The following MYO19 variants were observed in gnomAD, a reference collection of about 807,000 sequenced individuals.
The protein encoded by MYO19 is myosin XIX.
Under a neutral mutation model 129.2 loss-of-function variants are expected in MYO19, and 132 were observed. The observed-to-expected ratio is 1.02, with a 90% CI of 0.89 to 1.18. The LOEUF (loss-of-function observed/expected upper bound fraction) is 1.18, where lower values mean the gene tolerates loss of function less well. Ranked by LOEUF, MYO19 falls within the 50% of genes most tolerant of loss-of-function variation. MYO19 has a pLI of 0.00. For missense variants in MYO19, 1,210 were observed against 1,216.7 expected, an observed-to-expected ratio of 0.99 and a Z score of 0.08; for synonymous variants, 531 against 477.2, an observed-to-expected ratio of 1.11 and a Z score of -1.47.
At chr17:36,519,639 C>CAA (rs11431632) in intron 6 of MYO19, among the ~76,000 whole-genome samples, 6,401 of 133,392 alleles carry the variant, frequency 0.048, 182 homozygotes, top group Middle Eastern at 0.087. Flanking sequence ...TCTAAAGAGA[C>CAA]AAAAAAAAAA....
In MYO19 at chr17:36,511,345, T is replaced by A. The variant is rs146704775; in HGVS notation, c.985+20A>T. Reference sequence around the variant, plus strand: ...TACCTTCCTGACAGGGCCTGCCCCATCCTACACCCTGACCCTCACACTTGG... The same window carrying A: ...TACCTTCCTGACAGGGCCTGCCCCAACCTACACCCTGACCCTCACACTTGG... On this transcript the variant is annotated intron_variant, in intron 12 of 25. Coordinates refer to ENST00000614623, the MANE Select transcript of MYO19 (RefSeq NM_001163735.2). The A allele has an allele frequency of 4.4e-5, 69 of 1,563,020 alleles. No individual in the cohort carries two copies. In the African/African-American group the frequency reaches 7.5e-4, roughly 17 times the overall value.
chr17:36,501,218 C>G lies in MYO19; in HGVS notation c.2098G>C (p.Glu700Gln). 1 of 1,612,232 alleles carries G rather than the reference C, an allele frequency of 6.2e-7. No homozygotes were observed. ...ATGAGAGGTTCAAGCGTGGCTTCCT[C>G]GCTGTGTGGACACCATTCTGGGGGA... ...KGLPEWCPHS[E>Q]EATLEPLIQD... Residue 700 changes from glutamate to glutamine, a missense_variant, in exon 22 of 26, where the codon GAG becomes CAG. Coordinates refer to ENST00000614623, the MANE Select transcript of MYO19 (RefSeq NM_001163735.2).
At chr17:36,537,566 A>T, upstream of MYO19, 1 of 1,613,978 alleles carries the variant, frequency 6.2e-7, no homozygotes, top group Non-Finnish European at 8.5e-7. Context: ...TTCCCAGAAG[A>T]TTTGCCAAAA....
chr17:36,527,534 C>G lies in MYO19; in HGVS notation c.300+17G>C. On this transcript the variant is annotated intron_variant, in intron 5 of 25. Coordinates refer to ENST00000614623, the MANE Select transcript of MYO19 (RefSeq NM_001163735.2). ...GGTAGAGGAGCCCTGAGGCCACAGG[C>G]AGCGGCAGAGCCTTACCTGGGGCTG... The G allele has an allele frequency of 1.9e-6, 3 of 1,610,236 alleles. No homozygotes were observed. Among genetic ancestry groups the G allele is most frequent in the Non-Finnish European group, 2.5e-6 (3 of 1,178,142 alleles).
In MYO19 at chr17:36,495,718, T is replaced by A; in HGVS notation, c.*533A>T. On this transcript the variant is annotated 3_prime_UTR_variant, in exon 26 of 26. Coordinates refer to ENST00000614623, the MANE Select transcript of MYO19 (RefSeq NM_001163735.2). Reference sequence around the variant, plus strand: ...CTTACACTTCATATGGAGTTAAACTTGGTCAGTGTTAATAAAATCAAAACG... The same window carrying A: ...CTTACACTTCATATGGAGTTAAACTAGGTCAGTGTTAATAAAATCAAAACG... 8.0e-7 allele frequency: 1 copy of A among 1,250,650 alleles called. No homozygotes were observed. The highest frequency in any genetic ancestry group is 3.1e-5 in the East Asian group (1 of 32,728). 77.5% of individuals were successfully genotyped at this position (1,250,650 alleles called of 1,614,324 possible). A position where few individuals can be genotyped will look rare whatever the true frequency, so the allele number is the denominator to read the frequency against.
chr17:36,544,798 C>G (rs1359494804), upstream of MYO19: 1 of 152,616 alleles, frequency 6.6e-6, no homozygotes, highest in Non-Finnish European at 1.5e-5. Context: ...CCTCTGGGCG[C>G]AAATTTCTCC....
chr17:36,505,302 C>T lies in MYO19; in HGVS notation c.1900G>A (p.Glu634Lys), dbSNP rs772850495. The T allele has an allele frequency of 5.6e-6, 9 of 1,614,050 alleles. No individual in the cohort carries two copies. The highest frequency in any genetic ancestry group is 2.7e-5 in the African/African-American group (2 of 74,946). ...SQGQAQTFLQ[E>K]EVLSQLEACG... is the part of the protein sequence containing the mutation. Reference sequence around the variant, plus strand: ...TTTGGCCCGGTGTTAATTACCTCCTCTTGGAGAAAGGTCTGCGCCTGGCCC... The same window carrying T: ...TTTGGCCCGGTGTTAATTACCTCCTTTTGGAGAAAGGTCTGCGCCTGGCCC... The change falls in exon 19 of 26, where the codon GAG becomes AAG. Residue 634 changes from glutamate to lysine, a missense_variant. Transcript: ENST00000614623.
chr17:36,518,618 A>G (rs2072952994), intron 6 of MYO19, among the ~76,000 whole-genome samples: 1 of 143,698 alleles, frequency 7.0e-6, no homozygotes, highest in African/African-American at 2.6e-5. Context: ...ATGTATATAT[A>G]TGTCTCCTTA....
chr17:36,503,195 G>A lies in MYO19; in HGVS notation c.1982C>T (p.Ser661Phe), dbSNP rs764396427. Residue 661 changes from serine (S) to phenylalanine (F), a missense_variant, in exon 21 of 26, where the codon TCT becomes TTT. Transcript: ENST00000614623. ...ISAAGFPIRV[S>F]HRNFVERYKL... is the part of the protein sequence containing the mutation. Reference sequence around the variant, plus strand: ...GTATCGTTCTACAAAGTTTCGGTGAGAGACCCTGGAGGCCAAAGCAGGCAG... The same window carrying A: ...GTATCGTTCTACAAAGTTTCGGTGAAAGACCCTGGAGGCCAAAGCAGGCAG... 2 of 1,613,850 alleles carry A rather than the reference G, an allele frequency of 1.2e-6. No individual in the cohort carries two copies. Among genetic ancestry groups the A allele is most frequent in the Middle Eastern group, 1.7e-4 (1 of 6,060 alleles).
chr17:36,519,601 T>C (rs2073015553), intron 6 of MYO19, among the ~76,000 whole-genome samples: 1 of 151,164 alleles, frequency 6.6e-6, no homozygotes, highest in African/African-American at 2.4e-5. Context: ...TAAGCATTGT[T>C]ACCATTTGTG....
rs146409463 is a variant in MYO19, at chr17:36,516,516, G to A, written c.415-526C>T. On this transcript the variant is annotated intron_variant, in intron 6 of 25. Transcript: ENST00000614623. ...CTCCCAAGTAGCTAGGATTACAGGC[G>A]CACGCCACCACGCCTGGCTAATTTT... is the stretch of plus-strand genomic sequence containing the variant. Among the ~76,000 whole-genome samples, 152 of 152,134 alleles carry A rather than the reference G, an allele frequency of 1.0e-3. 3 individuals carry two copies. The East Asian group carries it at 0.018, about 18-fold the overall frequency.
At chr17:36,518,795 TAGAC>T (rs66681539) in intron 6 of MYO19, among the ~76,000 whole-genome samples, 3 of 151,178 alleles carry the variant, frequency 2.0e-5, no homozygotes, top group East Asian at 1.9e-4. Flanking sequence ...GATAGATAGA[TAGAC>T]AGATAGATAG....
rs900586524 is a variant in MYO19, at chr17:36,532,513, G to A, written c.12+14C>T. 4 of 1,554,550 alleles carry A rather than the reference G, an allele frequency of 2.6e-6. No homozygotes were observed. Among genetic ancestry groups the A allele is most frequent in the East Asian group, 2.4e-5 (1 of 41,292 alleles). ...GTGCTTGAGGGCCTGGGTTATCTAA[G>A]GTTGAGGTTTTACCTGCTGGAGCAT... On this transcript the variant is annotated intron_variant, in intron 3 of 25. Coordinates refer to ENST00000614623, the MANE Select transcript of MYO19 (RefSeq NM_001163735.2).
At position 36,498,384 on chromosome 17, in the gene MYO19, A is replaced by T; in HGVS notation, c.2639T>A (p.Phe880Tyr). ...LANTAMGVGS[F>Y]QRKLVVWACL... ...AGCCCAGACCACTAATTTCCTCTGA[A>T]AGCTGCCTACACCCATAGCCGTATT... Residue 880 changes from phenylalanine (F) to tyrosine (Y), a missense_variant, in exon 25 of 26, where the codon TTT (phenylalanine) becomes TAT (tyrosine). By Grantham distance (22) the Phe-to-Tyr change is conservative. Coordinates refer to ENST00000614623, the MANE Select transcript of MYO19 (RefSeq NM_001163735.2). 1 of 1,613,958 alleles carries T rather than the reference A, an allele frequency of 6.2e-7. No homozygotes were observed. Among genetic ancestry groups the T allele is most frequent in the African/African-American group, 1.3e-5 (1 of 75,034 alleles).
chr17:36,538,607 A>G (rs1241968920), upstream of MYO19: 7 of 1,592,912 alleles, frequency 4.4e-6, no homozygotes, highest in African/African-American at 1.3e-5. Context: ...AGACTGTACA[A>G]TTTTGGTGAT....
chr17:36,528,263 C>T, intron 3 of MYO19, 61 bp from the exon 4 acceptor site: 1 of 1,503,328 alleles, frequency 6.7e-7, no homozygotes, highest in Non-Finnish European at 9.0e-7. Context: ...AATCCCAGCA[C>T]TCTGGGAGGC....
Position 36,541,987 on chromosome 17 carries a change from G to T in MYO19, n.395+94C>A, listed in dbSNP as rs910234138. 7 of 152,254 alleles carry T rather than the reference G, an allele frequency of 4.6e-5. No individual in the cohort carries two copies. The East Asian group carries it at 1.3e-3, about 29-fold the overall frequency. The allele number at this position is 152,254 out of a possible 1,614,324, so 9.4% of individuals were successfully genotyped here. A position where few individuals can be genotyped will look rare whatever the true frequency, so the allele number is the denominator to read the frequency against. On this transcript the variant is annotated intron_variant and non_coding_transcript_variant, in intron 2 of 2. Transcript: ENST00000610496. ...TTTTCCTTGGGATATTGATTTTATT[G>T]TATCGATTGTATTATATTGTATGGT...
rs375025931 is a variant in MYO19 at position 36,507,154 on chromosome 17, CA to C, written c.1468-16del. ...AGGCGGCATTCCTGTGGGATGGGAACAGGGGGTCAGCCACCAACATGAGAGT... is the reference window on the plus strand; with the variant it reads ...AGGCGGCATTCCTGTGGGATGGGAACGGGGGTCAGCCACCAACATGAGAGT... On this transcript the variant is annotated splice_polypyrimidine_tract_variant and intron_variant, in intron 16 of 25. Transcript: ENST00000614623. 7.8e-4 allele frequency: 1,237 copies of C among 1,592,544 alleles called. 12 individuals carry two copies. The African/African-American group carries it at 0.015, about 20-fold the overall frequency.
At chr17:36,497,669 C>G (rs2071123748) in intron 25 of MYO19, 1 of 403,938 alleles carries the variant, frequency 2.5e-6, no homozygotes, top group South Asian at 1.0e-4. Context: ...ACTGCAACCT[C>G]TCCCTCCCAG....
Sources: allele counts gnomAD v4.1 joint callset (sites outside exome capture counted in the v4.1 genomes callset), GRCh38; gene constraint gnomAD v4.1.1; transcripts MANE v1.5; gene names NCBI Gene and HGNC (gene_info 2026-07-23, HGNC 2026-07-21).